The following LPCAT4 variants were observed in gnomAD, a reference collection of about 807,000 sequenced individuals.
The protein encoded by LPCAT4 is lysophosphatidylcholine acyltransferase 4.
LPCAT4 carries 30 observed loss-of-function variants against 66.5 expected under a neutral mutation model. The observed-to-expected ratio is 0.45, with a 90% CI of 0.34 to 0.61. LPCAT4 has a LOEUF of 0.61. LPCAT4 is among the 20% of genes least tolerant of loss of function. The pLI, the probability that LPCAT4 is intolerant of heterozygous loss-of-function variation, is 0.01. For synonymous variants in LPCAT4, 253 were observed against 262.1 expected, an observed-to-expected ratio of 0.97 and a Z score of 0.34; for missense variants, 557 against 656.7, an observed-to-expected ratio of 0.85 and a Z score of 1.66.
intron 11 of LPCAT4, among the ~76,000 whole-genome samples, chr15:34,360,727 C>T (rs1029346252): frequency 2.6e-5 from 4 of 152,200 alleles, no homozygotes; most frequent in East Asian, 1.9e-4. Flanking sequence ...CGGGGACAGT[C>T]CGCCTCAATC....
chr15:34,367,036 G>A lies in LPCAT4; in HGVS notation c.65C>T (p.Pro22Leu), dbSNP rs200318241. The A allele has an allele frequency of 1.3e-6, 2 of 1,564,428 alleles. No homozygotes were observed. The highest frequency in any genetic ancestry group is 1.3e-5 in the African/African-American group (1 of 74,322). The change falls in exon 1 of 14, where the codon CCC (proline) becomes CTC (leucine). Residue 22 changes from proline (P) to leucine (L), a missense_variant. Physicochemically the swap from Pro to Leu is moderately conservative, Grantham distance 98. This residue lies in a region of LPCAT4 where 94 missense variants were observed against 71.5 expected (regional missense o/e 1.32). Coordinates refer to ENST00000314891, the MANE Select transcript of LPCAT4 (RefSeq NM_153613.3). Reference protein sequence around the residue: ...LDPTPGPPASPNPFVHELHLS... With the variant: ...LDPTPGPPASLNPFVHELHLS... ...ATGTAACTCATGCACGAAGGGGTTGGGGGATGCTGGGGGTCCGGGGGTGGG... is the reference window on the plus strand; with the variant it reads ...ATGTAACTCATGCACGAAGGGGTTGAGGGATGCTGGGGGTCCGGGGGTGGG...
In LPCAT4 at chr15:34,359,571, G is replaced by T; in HGVS notation, c.1399+18C>A. ...GTGCCCCAAGTGCCCGTGTGGGGCT[G>T]AGAAGGCAGTGACTCACAGAGGGAG... On this transcript the variant is annotated intron_variant, in intron 13 of 13. Coordinates refer to ENST00000314891, the MANE Select transcript of LPCAT4 (RefSeq NM_153613.3). 6.2e-7 allele frequency: 1 copy of T among 1,608,892 alleles called. No homozygotes were observed. Among genetic ancestry groups the T allele is most frequent in the South Asian group, 1.1e-5 (1 of 90,370 alleles).
At chr15:34,364,580 C>A (rs956658505) in intron 3 of LPCAT4, 2 of 225,722 alleles carry the variant, frequency 8.9e-6, no homozygotes, top group Middle Eastern at 2.5e-3. Context: ...TGGGCCACCA[C>A]GCCCGGCTAA....
intron 4 of LPCAT4, 26 bp downstream of exon 4, chr15:34,364,165 GAGA>G (rs67950209): frequency 0.092 from 147,201 of 1,594,626 alleles, 7,729 homozygotes; most frequent in Non-Finnish European, 0.11. Flanking sequence ...CATGGAAAGT[GAGA>G]AGATGGTCTT....
Position 34,359,031 on chromosome 15 carries a change from CAAT to C in LPCAT4, c.*93_*95del. 9.7e-7 allele frequency: 1 copy of C among 1,026,018 alleles called. No individual in the cohort carries two copies. Among genetic ancestry groups the C allele is most frequent in the Non-Finnish European group, 1.3e-6 (1 of 753,182 alleles). 63.6% of individuals were successfully genotyped at this position (1,026,018 alleles called of 1,614,324 possible). The stretch of plus-strand genomic sequence containing the variant: ...ACTTAAAAAAACAACAACCAAACAA[CAAT>C]AACAAAATTCAAACAGGAGCAGAGA... On this transcript the variant is annotated 3_prime_UTR_variant, in exon 14 of 14. Transcript: ENST00000314891.
Position 34,362,564 on chromosome 15 carries a change from G to C in LPCAT4, c.884+9C>G. On this transcript the variant is annotated intron_variant, in intron 9 of 13. Transcript: ENST00000314891. ...AACTGCTCCAGGAAATAGTTTGTGG[G>C]GCACTCACTGTGCCATGACCCTCTG... is the stretch of plus-strand genomic sequence containing the variant. 1 of 1,541,212 alleles carries C rather than the reference G, an allele frequency of 6.5e-7. No individual in the cohort carries two copies. The highest frequency in any genetic ancestry group is 8.7e-7 in the Non-Finnish European group (1 of 1,143,414).
chr15:34,365,987 G>A (rs1379987518), intron 1 of LPCAT4: 1 of 361,438 alleles, frequency 2.8e-6, no homozygotes, highest in Non-Finnish European at 5.1e-6. Flanking sequence ...AGCACTTAGA[G>A]GATTTAATAA....
chr15:34,365,209 C>T lies in LPCAT4; in HGVS notation c.277G>A (p.Val93Met), dbSNP rs754650239. ...GWRKTVCHNG[V>M]LGLSRLLFFL... ...AACAGCAGGCGGCTCAGGCCTAGCACCCCGTTGTGGCACACAGTCCTGCCA... is the reference window on the plus strand; with the variant it reads ...AACAGCAGGCGGCTCAGGCCTAGCATCCCGTTGTGGCACACAGTCCTGCCA... Residue 93 changes from valine to methionine, a missense_variant, in exon 3 of 14, where the codon GTG becomes ATG. Physicochemically the swap from Val to Met is conservative, Grantham distance 21. Coordinates refer to ENST00000314891, the MANE Select transcript of LPCAT4 (RefSeq NM_153613.3). 6.2e-7 allele frequency: 1 copy of T among 1,609,468 alleles called. No homozygotes were observed. The highest frequency in any genetic ancestry group is 1.1e-5 in the South Asian group (1 of 90,524).
At position 34,363,969 on chromosome 15, in the gene LPCAT4, A is replaced by G. The variant is rs770653249; in HGVS notation, c.652+44T>C. On this transcript the variant is annotated intron_variant, in intron 5 of 13. Transcript: ENST00000314891. This position sits in a 1 kb window ranked among gnomAD's most constrained non-coding sequence, Gnocchi z 4.3. ...TTCAGAGTCCCTCCCCAAATCTGGA[A>G]CTTCTTTTTCCTACAGCCCACCACC... 6.3e-7 allele frequency: 1 copy of G among 1,582,042 alleles called. No homozygotes were observed. Among genetic ancestry groups the G allele is most frequent in the South Asian group, 1.1e-5 (1 of 89,712 alleles).
chr15:34,360,292 C>A, intron 11 of LPCAT4, 83 bp from the exon 12 acceptor site: 1 of 1,030,848 alleles, frequency 9.7e-7, no homozygotes. Context: ...TCCCTCTTCT[C>A]AGCAAATAAT....
chr15:34,363,834 C>T lies in LPCAT4; in HGVS notation c.653-115G>A. The T allele has an allele frequency of 7.2e-7, 1 of 1,383,566 alleles. No homozygotes were observed. The highest frequency in any genetic ancestry group is 1.0e-6 in the Non-Finnish European group (1 of 977,376). 85.7% of individuals were successfully genotyped at this position (1,383,566 alleles called of 1,614,324 possible). ...TTCTCAAATGAGATATGGTTTTGTT[C>T]CACTCATTGATAATTTTCTCTCTGA... On this transcript the variant is annotated intron_variant, in intron 5 of 13. Transcript: ENST00000314891. This position sits in a 1 kb window ranked among gnomAD's most constrained non-coding sequence, Gnocchi z 4.3.
chr15:34,361,235 TA>T, intron 11 of LPCAT4, 164 bp downstream of exon 11: 2 of 1,494,090 alleles, frequency 1.3e-6, no homozygotes, highest in Non-Finnish European at 1.8e-6. Flanking sequence ...GATGCCTGAT[TA>T]AAAAATGAAT....
intron 3 of LPCAT4, 24 bp from the exon 4 acceptor site, chr15:34,364,330 A>G (rs1291618677): frequency 2.0e-6 from 3 of 1,497,092 alleles, no homozygotes; most frequent in East Asian, 2.3e-5. Context: ...GGATACAAAG[A>G]GGAATCACTT....
In LPCAT4 at chr15:34,365,398, G is replaced by C. The variant is rs145354221; in HGVS notation, c.257+161C>G. 1,900 of 1,171,794 alleles carry C rather than the reference G, an allele frequency of 1.6e-3. 10 individuals are homozygous for C. Among genetic ancestry groups the C allele is most frequent in the African/African-American group, 0.011 (746 of 65,272 alleles). The allele number at this position is 1,171,794 out of a possible 1,614,324, so 72.6% of individuals were successfully genotyped here. On this transcript the variant is annotated intron_variant, in intron 2 of 13. Transcript: ENST00000314891. Reference sequence around the variant, plus strand: ...GACCTATCAGGGCACATTACTTAGAGGTGAGGTCTGGGAACCACGTCTGAG... The same window carrying C: ...GACCTATCAGGGCACATTACTTAGACGTGAGGTCTGGGAACCACGTCTGAG...
chr15:34,358,938 T>C lies in LPCAT4; in HGVS notation c.*189A>G, dbSNP rs1016481790. The stretch of plus-strand genomic sequence containing the variant: ...CTTCATTTTTTTTAATAGATATAGA[T>C]ATAGATTTATATTTATATATAAAAT... On this transcript the variant is annotated 3_prime_UTR_variant, in exon 14 of 14. Transcript: ENST00000314891. The C allele has an allele frequency of 1.6e-4, 45 of 275,134 alleles. No individual in the cohort carries two copies. Among genetic ancestry groups the C allele is most frequent in the Middle Eastern group, 1.1e-3 (1 of 906 alleles). 17.0% of individuals were successfully genotyped at this position (275,134 alleles called of 1,614,324 possible). A position where few individuals can be genotyped will look rare whatever the true frequency, so the allele number is the denominator to read the frequency against.
intron 1 of LPCAT4, chr15:34,365,934 G>C: frequency 2.0e-6 from 1 of 499,930 alleles, no homozygotes; most frequent in Non-Finnish European, 3.6e-6. Flanking sequence ...CTTTCAGTTG[G>C]TCCCTACCCC....
chr15:34,362,796 T>C lies in LPCAT4; in HGVS notation c.787A>G (p.Ile263Val). ...GGGAGCCATACCTCCACATCCACAA[T>C]GCTGCAGGGCTGAGAGGCTGTGAGC... ...LWLTASQPCS[I>V]VDVEFLPVYH... The change falls in exon 8 of 14, where the codon ATT becomes GTT. Residue 263 changes from isoleucine (I) to valine (V), a missense_variant. Coordinates refer to ENST00000314891, the MANE Select transcript of LPCAT4 (RefSeq NM_153613.3). 2 of 1,614,196 alleles carry C rather than the reference T, an allele frequency of 1.2e-6. No homozygotes were observed. The highest frequency in any genetic ancestry group is 1.7e-6 in the Non-Finnish European group (2 of 1,180,012).
Position 34,367,130 on chromosome 15 carries a change from C to T in LPCAT4, c.-30G>A. 1.3e-6 allele frequency: 2 copies of T among 1,507,636 alleles called. No individual in the cohort carries two copies. Among genetic ancestry groups the T allele is most frequent in the Non-Finnish European group, 1.8e-6 (2 of 1,126,632 alleles). The allele number at this position is 1,507,636 out of a possible 1,614,324, so 93.4% of individuals were successfully genotyped here. A position where few individuals can be genotyped will look rare whatever the true frequency, so the allele number is the denominator to read the frequency against. ...GGAGAAGGTGGGAGGGAGGGCACCC[C>T]GGCCCTGGCCCCGGCCACCACTCTG... On this transcript the variant is annotated 5_prime_UTR_variant, in exon 1 of 14. Coordinates refer to ENST00000314891, the MANE Select transcript of LPCAT4 (RefSeq NM_153613.3).
rs763179737 is a variant in LPCAT4, at chr15:34,359,323, G to A, written c.1400-21C>T. 6 of 1,471,106 alleles carry A rather than the reference G, an allele frequency of 4.1e-6. No homozygotes were observed. In the African/African-American group the frequency reaches 7.2e-5, roughly 18 times the overall value. 91.1% of individuals were successfully genotyped at this position (1,471,106 alleles called of 1,614,324 possible). ...CTGACCTGGACAAATAAGAGATGGGGAAAAGTGAAAAGATCTAAGAACGAG... is the reference window on the plus strand; with the variant it reads ...CTGACCTGGACAAATAAGAGATGGGAAAAAGTGAAAAGATCTAAGAACGAG... On this transcript the variant is annotated intron_variant, in intron 13 of 13. Coordinates refer to ENST00000314891, the MANE Select transcript of LPCAT4 (RefSeq NM_153613.3).
Sources: allele counts gnomAD v4.1 joint callset (sites outside exome capture counted in the v4.1 genomes callset), GRCh38; gene constraint gnomAD v4.1.1; regional missense constraint gnomAD v4.1.1; non-coding constraint Gnocchi (gnomAD v3.1); transcripts MANE v1.5; gene names NCBI Gene and HGNC (gene_info 2026-07-23, HGNC 2026-07-21).